FHIT: variants seen among roughly 807,000 people sequenced by gnomAD.
The protein encoded by FHIT is fragile histidine triad diadenosine triphosphatase, also known as bis(5'-adenosyl)-triphosphatase.
FHIT carries 19 observed loss-of-function variants against 17.9 expected under a neutral mutation model. The ratio of observed to expected loss-of-function variants is 1.06; its 90% CI spans 0.74 to 1.56. The LOEUF (loss-of-function observed/expected upper bound fraction) is 1.56. Among genes scored for constraint, FHIT ranks in the 40% most tolerant of loss-of-function variants. FHIT has a pLI of 0.00. For missense variants in FHIT, 248 were observed against 189.2 expected, an observed-to-expected ratio of 1.31 and a Z score of -1.82; for synonymous variants, 81 against 69.7, an observed-to-expected ratio of 1.16 and a Z score of -0.81.
intron 8 of FHIT, among the ~76,000 whole-genome samples, chr3:59,882,396 G>A: frequency 6.6e-6 from 1 of 152,104 alleles, no homozygotes; most frequent in Non-Finnish European, 1.5e-5. Flanking sequence ...GCAGAAAACA[G>A]ATTATCAGGA....
At chr3:60,400,773 C>T (rs1328806417) in intron 5 of FHIT, among the ~76,000 whole-genome samples, 3 of 152,028 alleles carry the variant, frequency 2.0e-5, no homozygotes, top group Non-Finnish European at 2.9e-5. Flanking sequence ...TTAGGGAGTA[C>T]GAAATCTCTC....
At chr3:60,506,094 T>A (rs140528380) in intron 5 of FHIT, among the ~76,000 whole-genome samples, 2 of 152,288 alleles carry the variant, frequency 1.3e-5, no homozygotes, top group East Asian at 3.9e-4. Flanking sequence ...GAGTAAAATG[T>A]GAAAATTTAA....
intron 2 of FHIT, among the ~76,000 whole-genome samples, chr3:61,122,551 G>C (rs141489948): frequency 1.2e-4 from 18 of 152,086 alleles, no homozygotes; most frequent in Admixed American, 3.9e-4. Context: ...AAGAAACTAC[G>C]ATCAGAGTGA....
chr3:60,950,467 T>C (rs577342207), intron 3 of FHIT, among the ~76,000 whole-genome samples: 1 of 150,578 alleles, frequency 6.6e-6, no homozygotes, highest in Non-Finnish European at 1.5e-5. Context: ...AGAAGGCTGC[T>C]AGGTAGGGCT....
At chr3:60,524,472 T>C (rs942437411) in intron 5 of FHIT, among the ~76,000 whole-genome samples, 1 of 152,082 alleles carries the variant, frequency 6.6e-6, no homozygotes, top group Non-Finnish European at 1.5e-5. Flanking sequence ...GCAGTGTGCT[T>C]AGAATGTTAA....
At chr3:60,871,282 C>A (rs1704405658) in intron 3 of FHIT, among the ~76,000 whole-genome samples, 1 of 152,058 alleles carries the variant, frequency 6.6e-6, no homozygotes, top group Non-Finnish European at 1.5e-5. Context: ...TTTATGGTGG[C>A]ACTCTAGTGA....
intron 5 of FHIT, among the ~76,000 whole-genome samples, chr3:60,306,359 G>C (rs555850984): frequency 6.6e-6 from 1 of 152,250 alleles, no homozygotes; most frequent in African/African-American, 2.4e-5. Context: ...CAATTTGTTT[G>C]AGGAAACTAA....
intron 5 of FHIT, among the ~76,000 whole-genome samples, chr3:60,396,585 T>G (rs547067358): frequency 6.7e-4 from 102 of 152,236 alleles, no homozygotes; most frequent in African/African-American, 2.3e-3. Context: ...ATGAAATACC[T>G]AAAATAGATA....
At chr3:60,898,737 C>T (rs1275787245) in intron 3 of FHIT, among the ~76,000 whole-genome samples, 1 of 152,130 alleles carries the variant, frequency 6.6e-6, no homozygotes, top group African/African-American at 2.4e-5. Context: ...ATGTTAAAAT[C>T]CTGTACAACT....
intron 7 of FHIT, among the ~76,000 whole-genome samples, chr3:59,925,679 G>A (rs566426327): frequency 4.6e-5 from 7 of 152,224 alleles, no homozygotes; most frequent in East Asian, 1.9e-4. Flanking sequence ...GAAATTCGCC[G>A]TGACACACTG....
At chr3:59,864,907 G>C (rs1702574241) in intron 8 of FHIT, among the ~76,000 whole-genome samples, 2 of 151,910 alleles carry the variant, frequency 1.3e-5, no homozygotes, top group South Asian at 2.1e-4. Context: ...ATAATCTCCA[G>C]AGCAGTTCCT....
intron 5 of FHIT, among the ~76,000 whole-genome samples, chr3:60,287,950 T>G (rs1370055589): frequency 6.7e-6 from 1 of 150,362 alleles, no homozygotes; most frequent in Non-Finnish European, 1.5e-5. Flanking sequence ...CAAACCACCA[T>G]AAATATTTAG....
intron 4 of FHIT, among the ~76,000 whole-genome samples, chr3:60,809,278 G>A (rs73109612): frequency 0.051 from 7,697 of 152,118 alleles, 207 homozygotes; most frequent in South Asian, 0.084. Flanking sequence ...TGTTAGTTCT[G>A]AATATTTTCA....
intron 1 of FHIT, among the ~76,000 whole-genome samples, chr3:61,218,267 G>C (rs989493386): frequency 6.6e-6 from 1 of 152,112 alleles, no homozygotes; most frequent in Non-Finnish European, 1.5e-5. Context: ...ATAAGAGAGA[G>C]AACAGTTGCC....
At chr3:61,065,626 T>C (rs578023379) in intron 2 of FHIT, among the ~76,000 whole-genome samples, 56 of 151,974 alleles carry the variant, frequency 3.7e-4, no homozygotes, top group Admixed American at 6.6e-4. Context: ...ATTGTGATGA[T>C]AAACATCAGG....
chr3:60,391,592 C>A (rs1193178773), intron 5 of FHIT, among the ~76,000 whole-genome samples: 3 of 152,150 alleles, frequency 2.0e-5, no homozygotes, highest in Non-Finnish European at 1.5e-5. Flanking sequence ...TTTAACTGTA[C>A]CTTTTCTACG....
intron 4 of FHIT, among the ~76,000 whole-genome samples, chr3:60,583,914 A>G (rs1158358396): frequency 6.6e-6 from 1 of 152,094 alleles, no homozygotes; most frequent in Non-Finnish European, 1.5e-5. Flanking sequence ...TCCCAGTTAA[A>G]TCACATCAGC....
In FHIT at chr3:60,271,968, C is replaced by G. The variant is rs977803324; in HGVS notation, c.104-257816G>C. 2.6e-5 allele frequency among the ~76,000 whole-genome samples: 4 copies of G among 152,136 alleles called. 1 individual carries two copies. The highest frequency in any genetic ancestry group is 1.5e-5 in the Non-Finnish European group (1 of 68,038). ...TGTTTCATTAAACCCTCACAACAAC[C>G]CAATGAGGAAACTGAGGCACAGAGA... On this transcript the variant is annotated intron_variant, in intron 5 of 9. Transcript: ENST00000492590.
At chr3:59,918,350 A>G (rs963658490) in intron 8 of FHIT, among the ~76,000 whole-genome samples, 6 of 152,176 alleles carry the variant, frequency 3.9e-5, no homozygotes, top group African/African-American at 1.4e-4. Context: ...GTAATAAATT[A>G]TGTCAAGTGT....
Sources: gnomAD v4.1 joint callset for allele counts (sites outside exome capture counted in the v4.1 genomes callset) on GRCh38, gnomAD v4.1.1 for gene constraint, MANE v1.5 for transcripts, NCBI Gene and HGNC (gene_info 2026-07-23, HGNC 2026-07-21) for gene names.